Variants in MYH7 observed in about 807,000 individuals in gnomAD.
MYH7 encodes myosin heavy chain 7.
A neutral mutation model predicts 225.4 loss-of-function variants in MYH7; 129 were observed. That is an observed-to-expected ratio of 0.57 (90% CI 0.50 to 0.66). The LOEUF (loss-of-function observed/expected upper bound fraction) is 0.66, where lower values mean the gene tolerates loss of function less well. Ranked by LOEUF, MYH7 falls within the 30% of genes least tolerant of loss-of-function variation. MYH7 has a pLI of 0.00. For missense variants in MYH7, 1,649 were observed against 2,517.0 expected, an observed-to-expected ratio of 0.66 and a Z score of 7.38; for synonymous variants, 971 against 1,007.6, an observed-to-expected ratio of 0.96 and a Z score of 0.69.
At chr14:23,428,338 G>A (rs1348621922) in intron 15 of MYH7, among the ~76,000 whole-genome samples, 162 bp downstream of exon 15, 1 of 152,140 alleles carries the variant, frequency 6.6e-6, no homozygotes, top group Non-Finnish European at 1.5e-5. Context: ...GTGCCACCCT[G>A]TCCTGGGTGC....
chr14:23,423,428 TAAACAC>T (rs1479993315), intron 24 of MYH7, 113 bp downstream of exon 24: 33 of 1,207,662 alleles, frequency 2.7e-5, no homozygotes, highest in Middle Eastern at 2.0e-4. Context: ...CCTCTAAACA[TAAACAC>T]AAACACACAC....
At position 23,416,485 on chromosome 14, in the gene MYH7, G is replaced by A. The variant is rs7140721; in HGVS notation, c.4645-173C>T. 0.42 allele frequency among the ~76,000 whole-genome samples: 63,788 copies of A among 151,976 alleles called. 15,556 individuals are homozygous for A. The highest frequency in any genetic ancestry group is 0.68 in the African/African-American group (27,974 of 41,416). On this transcript the variant is annotated intron_variant, in intron 33 of 39. Coordinates refer to ENST00000355349, the MANE Select transcript of MYH7 (RefSeq NM_000257.4). ...AGAGAAAATAAAAATAAGCCTAAGAGAAAGTGATTCAGGCCCTCACAGGGG... is the reference window on the plus strand; with the variant it reads ...AGAGAAAATAAAAATAAGCCTAAGAAAAAGTGATTCAGGCCCTCACAGGGG...
At position 23,412,761 on chromosome 14, in the gene MYH7, T is replaced by C; in HGVS notation, c.*93A>G. 6.7e-7 allele frequency: 1 copy of C among 1,491,216 alleles called. No individual in the cohort carries two copies. Among genetic ancestry groups the C allele is most frequent in the Admixed American group, 1.7e-5 (1 of 59,424 alleles). 92.4% of individuals were successfully genotyped at this position (1,491,216 alleles called of 1,614,324 possible). On this transcript the variant is annotated 3_prime_UTR_variant, in exon 40 of 40. Coordinates refer to ENST00000355349, the MANE Select transcript of MYH7 (RefSeq NM_000257.4). ...GATCTCGGCTTCAAGGAAAATTGCT[T>C]TATTCTGCTTCCTCCCAAGGAGCTG...
chr14:23,430,483 T>A (rs1595088326), intron 11 of MYH7, 77 bp downstream of exon 11: 3 of 1,176,966 alleles, frequency 2.5e-6, no homozygotes, highest in South Asian at 1.3e-5. Context: ...GGCCAGCGTC[T>A]TAGCTCTGCT....
Position 23,417,965 on chromosome 14 carries a change from C to T in MYH7, c.4169+245G>A, listed in dbSNP as rs753249398. 5.7e-6 allele frequency: 5 copies of T among 869,778 alleles called. No homozygotes were observed. In the African/African-American group the frequency reaches 8.2e-5, roughly 14 times the overall value. The allele number at this position is 869,778 out of a possible 1,614,324, so 53.9% of individuals were successfully genotyped here. On this transcript the variant is annotated intron_variant, in intron 30 of 39. Transcript: ENST00000355349. ...CCCACTGCCTTTCCCTGCCACAGTG[C>T]CCTGCCCCAGACGGAAGCACTCTGC...
chr14:23,428,039 C>G lies in MYH7; in HGVS notation c.1579-145G>C, dbSNP rs368481908. ...AGCTCTGAGTACAGTTATCTACTGA[C>G]TGGAACCGGTTCAAGGTGGAGGATT... On this transcript the variant is annotated intron_variant, in intron 15 of 39. Coordinates refer to ENST00000355349, the MANE Select transcript of MYH7 (RefSeq NM_000257.4). The G allele has an allele frequency of 6.7e-4, 721 of 1,068,804 alleles. 6 individuals are homozygous for G. The South Asian group carries it at 7.0e-3, about 10-fold the overall frequency. 66.2% of individuals were successfully genotyped at this position (1,068,804 alleles called of 1,614,324 possible). A position where few individuals can be genotyped will look rare whatever the true frequency, so the allele number is the denominator to read the frequency against.
intron 39 of MYH7, 21 bp downstream of exon 39, chr14:23,413,738 A>C: frequency 6.2e-7 from 1 of 1,613,402 alleles, no homozygotes; most frequent in South Asian, 1.1e-5. Context: ...GTGACTAGCA[A>C]AGCCCAAAAG....
rs886050415 is a variant in MYH7 at position 23,415,072 on chromosome 14, C to T, written c.5482G>A (p.Ala1828Thr). Residue 1828 changes from alanine to threonine, a missense_variant, in exon 37 of 40, where the codon GCC becomes ACC. Physicochemically the swap from Ala to Thr is moderately conservative, Grantham distance 58. This residue lies in a region of MYH7 where 687 missense variants were observed against 913.8 expected (regional missense o/e 0.75). Coordinates refer to ENST00000355349, the MANE Select transcript of MYH7 (RefSeq NM_000257.4). The surrounding 1 kb of genome is among the most constrained non-coding windows in gnomAD (Gnocchi z 6.3). ...GACTCTGCGTTGCGCTTCTGCTCGGCCTCCAGCTCATTCTCCAGCTCCCGC... is the reference window on the plus strand; with the variant it reads ...GACTCTGCGTTGCGCTTCTGCTCGGTCTCCAGCTCATTCTCCAGCTCCCGC... Reference protein sequence around the residue: ...RVRELENELEAEQKRNAESVK... With the variant: ...RVRELENELETEQKRNAESVK... 3 of 1,613,638 alleles carry T rather than the reference C, an allele frequency of 1.9e-6. No individual in the cohort carries two copies. Among genetic ancestry groups the T allele is most frequent in the African/African-American group, 2.7e-5 (2 of 75,056 alleles).
In MYH7 at chr14:23,434,226, A is replaced by G; in HGVS notation, c.-41T>C. ...ACTCAAGTGTGTCTACAGATGAGGA[A>G]AGGGGCCAAGGCCTGCAGGGGACCT... On this transcript the variant is annotated 5_prime_UTR_variant, in exon 2 of 40. Transcript: ENST00000355349. 1 of 1,021,570 alleles carries G rather than the reference A, an allele frequency of 9.8e-7. No individual in the cohort carries two copies. Among genetic ancestry groups the G allele is most frequent in the Non-Finnish European group, 1.2e-6 (1 of 850,780 alleles). 63.3% of individuals were successfully genotyped at this position (1,021,570 alleles called of 1,614,324 possible). A position where few individuals can be genotyped will look rare whatever the true frequency, so the allele number is the denominator to read the frequency against.
In MYH7 at chr14:23,433,414, G is replaced by A. The variant is rs1167590679; in HGVS notation, c.201+118C>T. On this transcript the variant is annotated intron_variant, in intron 3 of 39. Transcript: ENST00000355349. The surrounding 1 kb of genome is among the most constrained non-coding windows in gnomAD (Gnocchi z 4.1). The stretch of plus-strand genomic sequence containing the variant: ...GGAGGGTCTGGATTCTTCCCCAAAG[G>A]GAAGGAGAATGGGACCATCCTCAGG... 11 of 1,449,860 alleles carry A rather than the reference G, an allele frequency of 7.6e-6. No individual in the cohort carries two copies. Among genetic ancestry groups the A allele is most frequent in the Non-Finnish European group, 1.1e-5 (11 of 1,043,508 alleles). The allele number at this position is 1,449,860 out of a possible 1,614,324, so 89.8% of individuals were successfully genotyped here.
chr14:23,421,800 G>A, intron 25 of MYH7: 1 of 985,272 alleles, frequency 1.0e-6, no homozygotes. Context: ...TTGGTGCCCT[G>A]TGGGCTCTCT....
chr14:23,432,340 T>C lies in MYH7; in HGVS notation c.530+139A>G, dbSNP rs28615777. On this transcript the variant is annotated intron_variant, in intron 6 of 39. Transcript: ENST00000355349. ...AGAGCAAAGAGAGGGGTCAGGGTAA[T>C]GGTCAGAGAAGAAGGAGATGGGCAC... 8,243 of 1,034,796 alleles carry C rather than the reference T, an allele frequency of 8.0e-3. 406 individuals carry two copies. The African/African-American group carries it at 0.11, about 14-fold the overall frequency. The allele number at this position is 1,034,796 out of a possible 1,614,324, so 64.1% of individuals were successfully genotyped here.
intron 15 of MYH7, 136 bp from the exon 16 acceptor site, chr14:23,428,030 A>G (rs1404754793): frequency 1.8e-6 from 2 of 1,131,722 alleles, no homozygotes; most frequent in African/African-American, 1.5e-5. Context: ...GAGTACAGTT[A>G]TCTACTGACT....
Position 23,429,065 on chromosome 14 carries a change from C to T in MYH7, c.1297G>A (p.Glu433Lys), listed in dbSNP as rs1566535162. The T allele has an allele frequency of 8.1e-6, 13 of 1,614,212 alleles. No individual in the cohort carries two copies. The highest frequency in any genetic ancestry group is 9.3e-6 in the Non-Finnish European group (11 of 1,180,036). ...ATGALAKAVY[E>K]RMFNWMVTRI... ...GTCACCATCCAGTTGAACATCCTCT[C>T]ATACACTGCCTTGGCCAGTGCCCCA... Residue 433 changes from glutamate to lysine, a missense_variant, in exon 14 of 40, where the codon GAG (glutamate) becomes AAG (lysine). Physicochemically the swap from Glu to Lys is moderately conservative, Grantham distance 56. Coordinates refer to ENST00000355349, the MANE Select transcript of MYH7 (RefSeq NM_000257.4).
rs781669999 is a variant in MYH7 at position 23,419,760 on chromosome 14, G to A, written c.3726+85C>T. On this transcript the variant is annotated intron_variant, in intron 27 of 39. Transcript: ENST00000355349. ...GGCAGAGGAAGGGAAGTGGGAAAAT[G>A]AACCATGAAGGAAGAGACACTACAT... is the stretch of plus-strand genomic sequence containing the variant. 5 of 1,613,318 alleles carry A rather than the reference G, an allele frequency of 3.1e-6. No homozygotes were observed. In the East Asian group the frequency reaches 8.9e-5, roughly 29 times the overall value.
rs565014760 is a variant in MYH7 at position 23,414,984 on chromosome 14, G to A, written c.5559+11C>T. 6 of 1,604,820 alleles carry A rather than the reference G, an allele frequency of 3.7e-6. No homozygotes were observed. In the East Asian group the frequency reaches 6.7e-5, roughly 18 times the overall value. ...TGCCAGGGCTCTGCCTGGAGTCACC[G>A]CCCGTCGCACCTGGTAGGTGAGCTC... On this transcript the variant is annotated intron_variant, in intron 37 of 39. Transcript: ENST00000355349.
chr14:23,428,919 G>A (rs1396763785), intron 14 of MYH7, 36 bp downstream of exon 14: 2 of 1,613,938 alleles, frequency 1.2e-6, no homozygotes, highest in Non-Finnish European at 8.5e-7. Flanking sequence ...GAGCGAGTGA[G>A]TGATTGTTCT....
chr14:23,431,389 G>A, intron 9 of MYH7, 29 bp downstream of exon 9: 2 of 1,608,818 alleles, frequency 1.2e-6, no homozygotes, highest in Non-Finnish European at 1.7e-6. Context: ...GTGAGCTTAG[G>A]CTGAGCCTAG....
In MYH7 at chr14:23,432,473, A is replaced by G. The variant is rs759924306; in HGVS notation, c.530+6T>C. ...TGAAAGGGAATACAGTAGCAGCTAC[A>G]CTCACGTGATCAGGATGGACTGGTT... On this transcript the variant is annotated splice_donor_region_variant and intron_variant, in intron 6 of 39. Coordinates refer to ENST00000355349, the MANE Select transcript of MYH7 (RefSeq NM_000257.4). 3.1e-6 allele frequency: 5 copies of G among 1,613,824 alleles called. No homozygotes were observed. Among genetic ancestry groups the G allele is most frequent in the African/African-American group, 1.3e-5 (1 of 74,842 alleles).
Sources: gnomAD v4.1 joint callset for allele counts (sites outside exome capture counted in the v4.1 genomes callset) on GRCh38, gnomAD v4.1.1 for gene constraint, gnomAD v4.1.1 regional missense constraint, Gnocchi (gnomAD v3.1) non-coding constraint, MANE v1.5 for transcripts, NCBI Gene and HGNC (gene_info 2026-07-23, HGNC 2026-07-21) for gene names.